SLC1A1: variants seen among roughly 807,000 people sequenced by gnomAD.
The protein encoded by SLC1A1 is solute carrier family 1 member 1.
A neutral mutation model predicts 53.3 loss-of-function variants in SLC1A1; 43 were observed. The observed-to-expected ratio is 0.81, with a 90% CI of 0.63 to 1.04. The LOEUF is 1.04. Ranked by LOEUF, SLC1A1 falls within the 50% of genes least tolerant of loss-of-function variation. SLC1A1 has a pLI of 0.00. For missense variants in SLC1A1, 748 were observed against 664.9 expected (o/e 1.12, Z -1.37); for synonymous variants, 307 against 243.2 (o/e 1.26, Z -2.44).
intron 1 of SLC1A1, among the ~76,000 whole-genome samples, chr9:4,523,834 T>C (rs1365548621): frequency 2.6e-5 from 4 of 152,200 alleles, no homozygotes; most frequent in Non-Finnish European, 5.9e-5. Flanking sequence ...CTTCCCATTG[T>C]TATAGGTGAG....
intron 1 of SLC1A1, among the ~76,000 whole-genome samples, chr9:4,515,684 C>T (rs1008732595): frequency 6.6e-6 from 1 of 152,214 alleles, no homozygotes; most frequent in African/African-American, 2.4e-5. Flanking sequence ...CTGGTTTTCA[C>T]TCCTAGAGTA....
chr9:4,527,030 G>A (rs1425214663), intron 1 of SLC1A1, among the ~76,000 whole-genome samples: 2 of 152,112 alleles, frequency 1.3e-5, no homozygotes, highest in Non-Finnish European at 2.9e-5. Flanking sequence ...TAATAAAGTG[G>A]AAGCCCTTAA....
chr9:4,514,096 T>C (rs373379733), intron 1 of SLC1A1, among the ~76,000 whole-genome samples: 24 of 152,308 alleles, frequency 1.6e-4, no homozygotes, highest in African/African-American at 5.5e-4. Context: ...GATGGAGCTG[T>C]TCTATATTCT....
chr9:4,577,793 A>G (rs553179855), intron 10 of SLC1A1, among the ~76,000 whole-genome samples: 1 of 152,326 alleles, frequency 6.6e-6, no homozygotes, highest in East Asian at 1.9e-4. Flanking sequence ...TTTTACAAAG[A>G]TAAGCAGCAA....
intron 1 of SLC1A1, among the ~76,000 whole-genome samples, chr9:4,523,219 A>G (rs556477600): frequency 6.6e-6 from 1 of 152,168 alleles, no homozygotes; most frequent in Non-Finnish European, 1.5e-5. Flanking sequence ...AGGGTCTTAC[A>G]TCATCCATTT....
At position 4,571,663 on chromosome 9, in the gene SLC1A1, C is replaced by T. The variant is rs145358959; in HGVS notation, c.583-541C>T. On this transcript the variant is annotated intron_variant, in intron 6 of 11. Coordinates refer to ENST00000262352, the MANE Select transcript of SLC1A1 (RefSeq NM_004170.6). ...CTGCACTCCAGCCTGGGTAACAGAG[C>T]GAGACTCCATCTCAGAAAAAATAAA... Among the ~76,000 whole-genome samples the T allele has an allele frequency of 9.1e-3, 1,361 of 149,202 alleles. 20 individuals carry two copies. The highest frequency in any genetic ancestry group is 0.032 in the African/African-American group (1,313 of 40,654).
intron 1 of SLC1A1, among the ~76,000 whole-genome samples, chr9:4,530,469 G>A (rs974160640): frequency 1.3e-5 from 2 of 152,196 alleles, no homozygotes; most frequent in African/African-American, 2.4e-5. Context: ...GTTTAACACA[G>A]TCATGTGTCA....
At chr9:4,537,155 GCACATTGTGCA>G (rs1816704923) in intron 1 of SLC1A1, among the ~76,000 whole-genome samples, 1 of 151,802 alleles carries the variant, frequency 6.6e-6, no homozygotes, top group Non-Finnish European at 1.5e-5. Context: ...TAACTAACCT[GCACATTGTGCA>G]CATGTACCCT....
intron 1 of SLC1A1, among the ~76,000 whole-genome samples, chr9:4,501,022 T>C (rs1457614245): frequency 6.6e-6 from 1 of 152,120 alleles, no homozygotes; most frequent in African/African-American, 2.4e-5. Flanking sequence ...CCTGAGAAGA[T>C]AAGACGTCCC....
At chr9:4,578,244 A>G (rs1820747712) in intron 10 of SLC1A1, among the ~76,000 whole-genome samples, 2 of 152,230 alleles carry the variant, frequency 1.3e-5, no homozygotes, top group Non-Finnish European at 2.9e-5. Context: ...AATCGCGGCT[A>G]CATCATGATT....
intron 1 of SLC1A1, among the ~76,000 whole-genome samples, chr9:4,518,643 C>A (rs1053424428): frequency 6.6e-6 from 1 of 152,110 alleles, no homozygotes; most frequent in African/African-American, 2.4e-5. Context: ...AGCTGCCTGT[C>A]AATGTAGTGT....
At chr9:4,514,653 G>T (rs1230843224) in intron 1 of SLC1A1, among the ~76,000 whole-genome samples, 1 of 152,044 alleles carries the variant, frequency 6.6e-6, no homozygotes, top group African/African-American at 2.4e-5. Context: ...TGGGGTTGGG[G>T]CTGGGGCTAG....
chr9:4,585,711 G>A lies in SLC1A1; in HGVS notation c.*153G>A, dbSNP rs1821525665. On this transcript the variant is annotated 3_prime_UTR_variant, in exon 12 of 12. Coordinates refer to ENST00000262352, the MANE Select transcript of SLC1A1 (RefSeq NM_004170.6). Reference sequence around the variant, plus strand: ...ATTATTTTCTATATTTGGATTCACAGCCTTTGCGCTCTGGGTTTTGGGATT... The same window carrying A: ...ATTATTTTCTATATTTGGATTCACAACCTTTGCGCTCTGGGTTTTGGGATT... The A allele has an allele frequency of 1.0e-6, 1 of 970,446 alleles. No homozygotes were observed. The highest frequency in any genetic ancestry group is 2.6e-5 in the East Asian group (1 of 38,756). 60.1% of individuals were successfully genotyped at this position (970,446 alleles called of 1,614,324 possible). A position where few individuals can be genotyped will look rare whatever the true frequency, so the allele number is the denominator to read the frequency against.
chr9:4,572,108 T>C, intron 6 of SLC1A1, 96 bp from the exon 7 acceptor site: 1 of 1,034,858 alleles, frequency 9.7e-7, no homozygotes, highest in Non-Finnish European at 1.5e-6. Flanking sequence ...CACCAGTTTA[T>C]TATGTTTGGT....
At chr9:4,499,136 C>A (rs984317563) in intron 1 of SLC1A1, among the ~76,000 whole-genome samples, 1 of 150,806 alleles carries the variant, frequency 6.6e-6, no homozygotes, top group Admixed American at 6.6e-5. Context: ...CCCCTGCCTC[C>A]CAGGTTCAAG....
chr9:4,518,712 G>T (rs554426593), intron 1 of SLC1A1, among the ~76,000 whole-genome samples: 2 of 152,300 alleles, frequency 1.3e-5, no homozygotes, highest in African/African-American at 4.8e-5. Flanking sequence ...AAGGTAGAGT[G>T]AAAAATATCA....
At chr9:4,504,539 G>C (rs941565013) in intron 1 of SLC1A1, among the ~76,000 whole-genome samples, 2 of 152,204 alleles carry the variant, frequency 1.3e-5, no homozygotes, top group Non-Finnish European at 2.9e-5. Context: ...GATGTAACAG[G>C]CTTGCTCCAT....
At position 4,583,013 on chromosome 9, in the gene SLC1A1, C is replaced by T. The variant is rs1034772348; in HGVS notation, c.1194-25C>T. On this transcript the variant is annotated intron_variant, in intron 10 of 11. Coordinates refer to ENST00000262352, the MANE Select transcript of SLC1A1 (RefSeq NM_004170.6). The surrounding 1 kb of genome is among the most constrained non-coding windows in gnomAD (Gnocchi z 4.6). ...AACGGGAGAGGTAAGTGTCTAACTC[C>T]TTTCCTGCTGGTATGTTTCTGCAGT... 3 of 1,614,076 alleles carry T rather than the reference C, an allele frequency of 1.9e-6. No individual in the cohort carries two copies. The Admixed American group carries it at 5.0e-5, about 27-fold the overall frequency.
chr9:4,506,681 C>T (rs1193322014), intron 1 of SLC1A1, among the ~76,000 whole-genome samples: 2 of 152,180 alleles, frequency 1.3e-5, no homozygotes, highest in African/African-American at 4.8e-5. Flanking sequence ...GGACTTACTG[C>T]ACCTAAGATC....
Sources: allele counts gnomAD v4.1 joint callset (sites outside exome capture counted in the v4.1 genomes callset), GRCh38; gene constraint gnomAD v4.1.1; non-coding constraint Gnocchi (gnomAD v3.1); transcripts MANE v1.5; gene names NCBI Gene and HGNC (gene_info 2026-07-23, HGNC 2026-07-21).